ANKS1B: variants seen among roughly 807,000 people sequenced by gnomAD.
ANKS1B encodes the protein ankyrin repeat and sterile alpha motif domain containing 1B.
Under a neutral mutation model 148.3 loss-of-function variants are expected in ANKS1B, and 36 were observed. That is an observed-to-expected ratio of 0.24 (90% confidence interval 0.19 to 0.32). The LOEUF is 0.32. Ranked by LOEUF, ANKS1B falls within the 10% of genes least tolerant of loss-of-function variation. The probability of loss-of-function intolerance (pLI) is 1.00; values close to 1 mark genes in which losing one functional copy is unlikely to be tolerated. For missense variants in ANKS1B, 1,157 were observed against 1,542.6 expected (o/e 0.75, Z 4.19); for synonymous variants, 542 against 560.8 (o/e 0.97, Z 0.47).
chr12:98,826,881 C>T (rs2099253147), intron 19 of ANKS1B, among the ~76,000 whole-genome samples: 1 of 151,956 alleles, frequency 6.6e-6, no homozygotes, highest in Non-Finnish European at 1.5e-5. Context: ...CACATAACTT[C>T]AGGGGAAAAA....
intron 9 of ANKS1B, among the ~76,000 whole-genome samples, chr12:99,511,459 G>A (rs190594452): frequency 6.4e-4 from 98 of 152,054 alleles, no homozygotes; most frequent in Non-Finnish European, 1.1e-3. Flanking sequence ...CAGATAGGAA[G>A]AATCAATATC....
intron 8 of ANKS1B, among the ~76,000 whole-genome samples, chr12:99,696,580 T>C (rs1432486904): frequency 6.6e-6 from 1 of 151,808 alleles, no homozygotes; most frequent in Non-Finnish European, 1.5e-5. Context: ...TAATTCAAAA[T>C]GGATCATAAG....
chr12:99,438,977 A>G (rs2095505605), intron 11 of ANKS1B, among the ~76,000 whole-genome samples: 1 of 151,926 alleles, frequency 6.6e-6, no homozygotes, highest in South Asian at 2.1e-4. Context: ...TTTTTAAAAA[A>G]GCAAACAAGT....
chr12:99,724,655 A>G (rs1479936063), intron 8 of ANKS1B, among the ~76,000 whole-genome samples: 1 of 152,174 alleles, frequency 6.6e-6, no homozygotes, highest in Non-Finnish European at 1.5e-5. Context: ...AATACAGTGA[A>G]CACCACTAAG....
At chr12:98,937,005 A>G (rs2099819392) in intron 17 of ANKS1B, among the ~76,000 whole-genome samples, 1 of 152,070 alleles carries the variant, frequency 6.6e-6, no homozygotes, top group Non-Finnish European at 1.5e-5. Flanking sequence ...CTGTATCTTT[A>G]GGTCTTAGTT....
At chr12:98,858,227 T>C (rs759450298) in intron 17 of ANKS1B, among the ~76,000 whole-genome samples, 23 of 152,346 alleles carry the variant, frequency 1.5e-4, no homozygotes, top group Non-Finnish European at 2.8e-4. Flanking sequence ...CTCTAGATTA[T>C]AGTCCTGAAA....
At chr12:99,164,470 A>C (rs186122692) in intron 14 of ANKS1B, among the ~76,000 whole-genome samples, 8 of 151,556 alleles carry the variant, frequency 5.3e-5, no homozygotes, top group African/African-American at 1.9e-4. Context: ...ATTCTTATTC[A>C]TTCTATTTTT....
chr12:99,358,878 C>T (rs543419949), intron 12 of ANKS1B, among the ~76,000 whole-genome samples: 1 of 152,184 alleles, frequency 6.6e-6, no homozygotes, highest in South Asian at 2.1e-4. Flanking sequence ...AACAAACAAG[C>T]AGGGAATTCT....
chr12:99,632,414 T>C (rs1211339527), intron 9 of ANKS1B, among the ~76,000 whole-genome samples: 2 of 151,668 alleles, frequency 1.3e-5, no homozygotes, highest in East Asian at 2.0e-4. Flanking sequence ...CTGCAGAGAA[T>C]CCTCACTGCA....
intron 17 of ANKS1B, among the ~76,000 whole-genome samples, chr12:98,917,902 A>G (rs1430934289): frequency 6.6e-6 from 1 of 152,234 alleles, no homozygotes; most frequent in Non-Finnish European, 1.5e-5. Flanking sequence ...TCTTTATACA[A>G]ACACTTATGG....
intron 12 of ANKS1B, among the ~76,000 whole-genome samples, chr12:99,328,012 A>G (rs758795414): frequency 3.9e-5 from 6 of 152,068 alleles, no homozygotes; most frequent in Admixed American, 1.3e-4. Context: ...ATTTTTGGGG[A>G]AAATGAAGAA....
chr12:99,744,719 C>T (rs561605859), intron 8 of ANKS1B, among the ~76,000 whole-genome samples: 4 of 152,100 alleles, frequency 2.6e-5, no homozygotes, highest in Admixed American at 6.6e-5. Flanking sequence ...AGGCCAGGTG[C>T]GGTGGCTCAT....
chr12:99,259,560 A>G (rs1366123709), intron 12 of ANKS1B, among the ~76,000 whole-genome samples: 1 of 152,204 alleles, frequency 6.6e-6, no homozygotes, highest in African/African-American at 2.4e-5. Flanking sequence ...CCCTTTGCTC[A>G]ATACAGGAGA....
At position 99,499,405 on chromosome 12, in the gene ANKS1B, TAAC is replaced by T. The variant is rs897346882; in HGVS notation, c.1438+5068_1438+5070del. ...TGCAAACTAAGTCTTTACCCAATTTTAACAACAACAACAACAAACTCAGGCATT... is the reference window on the plus strand; with the variant it reads ...TGCAAACTAAGTCTTTACCCAATTTTAACAACAACAACAAACTCAGGCATT... On this transcript the variant is annotated intron_variant, in intron 10 of 26. Coordinates refer to ENST00000683438, the MANE Select transcript of ANKS1B (RefSeq NM_001352186.2). 2.0e-5 allele frequency among the ~76,000 whole-genome samples: 3 copies of T among 152,258 alleles called. No individual in the cohort carries two copies. The East Asian group carries it at 5.8e-4, about 29-fold the overall frequency.
intron 8 of ANKS1B, among the ~76,000 whole-genome samples, chr12:99,705,606 A>G (rs2055621902): frequency 6.6e-6 from 1 of 152,148 alleles, no homozygotes. Flanking sequence ...ATGAAGCAAG[A>G]GTGAGGACAG....
Position 98,757,605 on chromosome 12 carries a change from T to A in ANKS1B, c.3580-6083A>T, listed in dbSNP as rs373731334. Among the ~76,000 whole-genome samples, 28 of 152,278 alleles carry A rather than the reference T, an allele frequency of 1.8e-4. 1 individual carries two copies. Among genetic ancestry groups the A allele is most frequent in the African/African-American group, 6.7e-4 (28 of 41,560 alleles). ...GAAGCTCACTGATCACAGTGAGCAC[T>A]AAGGTGTCCCATCCCATCTGCTGGC... On this transcript the variant is annotated intron_variant, in intron 25 of 26. Coordinates refer to ENST00000683438, the MANE Select transcript of ANKS1B (RefSeq NM_001352186.2).
At chr12:99,340,269 C>T (rs1246054941) in intron 12 of ANKS1B, among the ~76,000 whole-genome samples, 2 of 152,090 alleles carry the variant, frequency 1.3e-5, no homozygotes, top group African/African-American at 4.8e-5. Flanking sequence ...CAGAGAGCTG[C>T]TCTCAGTGAA....
chr12:99,085,846 C>T (rs1026651815), intron 15 of ANKS1B, among the ~76,000 whole-genome samples: 29 of 152,102 alleles, frequency 1.9e-4, no homozygotes, highest in African/African-American at 5.1e-4. Flanking sequence ...GAATAATACA[C>T]GCTGGCGCCT....
chr12:99,571,975 T>C (rs772082940), intron 9 of ANKS1B, among the ~76,000 whole-genome samples: 1 of 152,096 alleles, frequency 6.6e-6, no homozygotes, highest in Non-Finnish European at 1.5e-5. Flanking sequence ...AACATATGCA[T>C]GTTGAGCCTA....
Sources: allele counts gnomAD v4.1 joint callset (sites outside exome capture counted in the v4.1 genomes callset), GRCh38; gene constraint gnomAD v4.1.1; transcripts MANE v1.5; gene names NCBI Gene and HGNC (gene_info 2026-07-23, HGNC 2026-07-21).